The following BNIP3 variants were observed in gnomAD, a reference collection of about 807,000 sequenced individuals.
BNIP3 encodes the protein BCL2/adenovirus E1B 19 kDa protein-interacting protein 3.
BNIP3 carries 16 observed loss-of-function variants against 23.9 expected under a neutral mutation model. That is an observed-to-expected ratio of 0.67 (90% CI 0.45 to 1.01). BNIP3 has a LOEUF of 1.01. Among genes scored for constraint, BNIP3 ranks in the 50% least tolerant of loss-of-function variants. The pLI, the probability that BNIP3 is intolerant of heterozygous loss-of-function variation, is 0.00. For synonymous variants in BNIP3, 81 were observed against 89.3 expected, an observed-to-expected ratio of 0.91 and a Z score of 0.53; for missense variants, 198 against 248.7, an observed-to-expected ratio of 0.80 and a Z score of 1.37.
At chr10:131,975,974 A>G (rs147542743) in intron 1 of BNIP3, among the ~76,000 whole-genome samples, 1 of 152,298 alleles carries the variant, frequency 6.6e-6, no homozygotes, top group Non-Finnish European at 1.5e-5. Context: ...GTGCCTTCTG[A>G]GATGTACAGA....
At chr10:131,979,821 A>ACTCT (rs1329018528) in intron 1 of BNIP3, among the ~76,000 whole-genome samples, 3 of 152,204 alleles carry the variant, frequency 2.0e-5, no homozygotes, top group African/African-American at 7.2e-5. Context: ...CTCAGAGGAG[A>ACTCT]GAGTGCTTGC....
chr10:131,981,746 C>T lies in BNIP3; in HGVS notation c.46+15G>A. 1 of 1,466,698 alleles carries T rather than the reference C, an allele frequency of 6.8e-7. No homozygotes were observed. The highest frequency in any genetic ancestry group is 2.1e-4 in the Middle Eastern group (1 of 4,792). 90.9% of individuals were successfully genotyped at this position (1,466,698 alleles called of 1,614,324 possible). A position where few individuals can be genotyped will look rare whatever the true frequency, so the allele number is the denominator to read the frequency against. ...CCGCGCCCCCTCGGCTCCCGCGCCG[C>T]CTCCTCCGCCTCACCCTGCAGGCTC... On this transcript the variant is annotated intron_variant, in intron 1 of 5. Transcript: ENST00000368636.
intron 5 of BNIP3, chr10:131,968,816 G>A (rs182542707): frequency 2.7e-5 from 10 of 368,686 alleles, no homozygotes; most frequent in Middle Eastern, 8.3e-4. Context: ...TCACCAAACC[G>A]AATGCTGTTT....
At chr10:131,979,890 A>G (rs2037105896) in intron 1 of BNIP3, among the ~76,000 whole-genome samples, 1 of 152,226 alleles carries the variant, frequency 6.6e-6, no homozygotes, top group African/African-American at 2.4e-5. Context: ...CGAGGTCAAC[A>G]AGGGGCAGTG....
chr10:131,971,442 G>C (rs1341222460), intron 3 of BNIP3: 1 of 161,756 alleles, frequency 6.2e-6, no homozygotes, highest in Non-Finnish European at 1.4e-5. Flanking sequence ...AAGCAGGAGG[G>C]AAAAGGCAGA....
intron 5 of BNIP3, chr10:131,968,786 C>T: frequency 6.8e-6 from 3 of 439,416 alleles, no homozygotes; most frequent in South Asian, 5.6e-5. Flanking sequence ...AACATCAGAT[C>T]GTATTCTTAC....
rs1233468368 is a variant in BNIP3, at chr10:131,973,080, G to C, written c.236C>G (p.Ala79Gly). ...RSQTPQDTNR[A>G]SETDTHSIGE... Reference sequence around the variant, plus strand: ...AATGCTATGGGTATCTGTTTCAGAAGCTCTGTTGGTATCTTGTGGTGTCTG... The same window carrying C: ...AATGCTATGGGTATCTGTTTCAGAACCTCTGTTGGTATCTTGTGGTGTCTG... Residue 79 changes from alanine (A) to glycine (G), a missense_variant, in exon 3 of 6, where the codon GCT becomes GGT. Ala to Gly is a moderately conservative substitution (Grantham distance 60). Transcript: ENST00000368636. The C allele has an allele frequency of 6.2e-7, 1 of 1,613,726 alleles. No homozygotes were observed. Among genetic ancestry groups the C allele is most frequent in the African/African-American group, 1.3e-5 (1 of 74,914 alleles).
chr10:131,969,504 G>A (rs2037003174), intron 5 of BNIP3: 1 of 152,290 alleles, frequency 6.6e-6, no homozygotes, highest in African/African-American at 2.4e-5. Context: ...GGGGGGACGT[G>A]AGAATGTGCC....
chr10:131,972,244 C>T (rs893142380), intron 3 of BNIP3, among the ~76,000 whole-genome samples: 3 of 152,176 alleles, frequency 2.0e-5, no homozygotes, highest in Non-Finnish European at 4.4e-5. Context: ...AAAGCCCATT[C>T]AATAGCTGTT....
chr10:131,968,751 GT>G, intron 5 of BNIP3, 182 bp from the exon 6 acceptor site: 1 of 520,986 alleles, frequency 1.9e-6, no homozygotes, highest in South Asian at 2.5e-5. Flanking sequence ...TTATCAATAT[GT>G]ATTTTGTATT....
At chr10:131,975,274 C>T (rs1369235791) in intron 1 of BNIP3, among the ~76,000 whole-genome samples, 3 of 152,180 alleles carry the variant, frequency 2.0e-5, no homozygotes, top group Non-Finnish European at 2.9e-5. Context: ...TATAGGCACA[C>T]GTCTATTTCT....
intron 5 of BNIP3, chr10:131,969,826 G>C: frequency 6.6e-6 from 1 of 152,258 alleles, no homozygotes; most frequent in East Asian, 1.9e-4. Context: ...CCGCTGCGGC[G>C]AACGCTCTTC....
intron 1 of BNIP3, 37 bp downstream of exon 1, chr10:131,981,724 C>T (rs992134962): frequency 2.1e-6 from 3 of 1,463,196 alleles, no homozygotes; most frequent in African/African-American, 1.5e-5. Context: ...TTCCCCCCCG[C>T]GCCCCCTCGG....
chr10:131,968,605 G>C, intron 5 of BNIP3, 36 bp from the exon 6 acceptor site: 1 of 1,538,596 alleles, frequency 6.5e-7, no homozygotes, highest in Non-Finnish European at 9.0e-7. Flanking sequence ...AATGTATCTT[G>C]TGATTCACAG....
chr10:131,969,091 G>C (rs948270650), intron 5 of BNIP3: 1 of 155,008 alleles, frequency 6.5e-6, no homozygotes, highest in South Asian at 2.0e-4. Context: ...AGGAGGATGG[G>C]TCTCCAGGAA....
At position 131,981,900 on chromosome 10, in the gene BNIP3, G is replaced by C. The variant is rs547353124; in HGVS notation, c.-94C>G. 7.5e-7 allele frequency: 1 copy of C among 1,340,234 alleles called. No homozygotes were observed. The highest frequency in any genetic ancestry group is 9.6e-7 in the Non-Finnish European group (1 of 1,043,276). 83.0% of individuals were successfully genotyped at this position (1,340,234 alleles called of 1,614,324 possible). On this transcript the variant is annotated 5_prime_UTR_variant, in exon 1 of 6. Transcript: ENST00000368636. ...GTGGGAAAGCGGAGGTCGGAGCGCC[G>C]CGGCCCAGCTGCGCTCCCGGACTGA...
Position 131,968,520 on chromosome 10 carries a change from T to A in BNIP3, c.*4A>T, listed in dbSNP as rs532054822. The A allele has an allele frequency of 6.9e-6, 11 of 1,592,168 alleles. No homozygotes were observed. The Admixed American group carries it at 1.7e-4, about 24-fold the overall frequency. The stretch of plus-strand genomic sequence containing the variant: ...AACGAACCAAGTCAGACTCCAGTTC[T>A]TCATCAAAAGGTGCTGGTGGAGGTT... On this transcript the variant is annotated 3_prime_UTR_variant, in exon 6 of 6. Coordinates refer to ENST00000368636, the MANE Select transcript of BNIP3 (RefSeq NM_004052.4).
chr10:131,979,615 G>A (rs188467379), intron 1 of BNIP3, among the ~76,000 whole-genome samples: 288 of 152,282 alleles, frequency 1.9e-3, no homozygotes, highest in African/African-American at 6.5e-3. Context: ...CATGGCTACA[G>A]TGAGCTATAA....
chr10:131,972,367 C>A (rs1312280692), intron 3 of BNIP3, among the ~76,000 whole-genome samples: 1 of 152,090 alleles, frequency 6.6e-6, no homozygotes, highest in African/African-American at 2.4e-5. Context: ...CACAGGGAGA[C>A]CCCGTCTCTA....
Sources: allele counts gnomAD v4.1 joint callset (sites outside exome capture counted in the v4.1 genomes callset), GRCh38; gene constraint gnomAD v4.1.1; transcripts MANE v1.5; gene names NCBI Gene and HGNC (gene_info 2026-07-23, HGNC 2026-07-21).